Variants in DMD observed in about 807,000 individuals in gnomAD.
DMD encodes the protein mutant dystrophin.
DMD carries 63 observed loss-of-function variants against 330.1 expected under a neutral mutation model. That is an observed-to-expected ratio of 0.19 (90% confidence interval 0.16 to 0.24). DMD has a LOEUF of 0.24. DMD is among the 10% of genes least tolerant of loss of function. The pLI is 1.00. For synonymous variants in DMD, 1,223 were observed against 959.8 expected, an observed-to-expected ratio of 1.27 and a Z score of -5.07; for missense variants, 3,344 against 2,684.1, an observed-to-expected ratio of 1.25 and a Z score of -5.43.
At chrX:32,982,464 T>A (rs1312962092) in intron 2 of DMD, among the ~76,000 whole-genome samples, 4 of 112,089 alleles carry the variant, frequency 3.6e-5, no homozygotes, top group East Asian at 2.8e-4. Flanking sequence ...AACAGTTTTT[T>A]AAAAATATTC....
chrX:32,903,228 T>C (rs1433296992), intron 2 of DMD, among the ~76,000 whole-genome samples: 1 of 106,160 alleles, frequency 9.4e-6, no homozygotes, highest in Non-Finnish European at 1.9e-5. Flanking sequence ...AAAGATAATG[T>C]AACTAAGCAT....
rs1293011142 is a variant in DMD, at chrX:31,297,102, AATTG to A, written c.9224+26492_9224+26495del. On this transcript the variant is annotated intron_variant, in intron 62 of 78. Coordinates refer to ENST00000357033, the MANE Select transcript of DMD (RefSeq NM_004006.3). ...CAAATGCTAATGTCTCAGCCAGGGA[AATTG>A]ATTGACAGGAAACTGGAGAAGAGCC... Among the ~76,000 whole-genome samples, 4 of 111,418 alleles carry A rather than the reference AATTG, an allele frequency of 3.6e-5. No individual in the cohort carries two copies. In the Admixed American group the frequency reaches 3.8e-4, roughly 11 times the overall value.
chrX:33,181,698 C>A (rs899186188), intron 1 of DMD, among the ~76,000 whole-genome samples: 3 of 112,107 alleles, frequency 2.7e-5, no homozygotes, highest in African/African-American at 9.7e-5. Flanking sequence ...TGCCATATGT[C>A]ATTATTAGCT....
Position 33,037,977 on chromosome X carries a change from A to G in DMD, c.32-17777T>C, listed in dbSNP as rs767043722. ...TCTAACAAAATGGCACTATCAATATATATGTATTTAAAGACAGTCTCCCTT... is the reference window on the plus strand; with the variant it reads ...TCTAACAAAATGGCACTATCAATATGTATGTATTTAAAGACAGTCTCCCTT... On this transcript the variant is annotated intron_variant, in intron 1 of 78. Transcript: ENST00000357033. 5.3e-5 allele frequency among the ~76,000 whole-genome samples: 6 copies of G among 112,305 alleles called. No homozygotes were observed. In the East Asian group the frequency reaches 1.4e-3, roughly 26 times the overall value.
intron 62 of DMD, among the ~76,000 whole-genome samples, chrX:31,302,437 A>T (rs894114626): frequency 1.8e-5 from 2 of 111,834 alleles, no homozygotes; most frequent in Non-Finnish European, 3.8e-5. Flanking sequence ...ATTAGATTTG[A>T]TTCACTCTTA....
chrX:31,797,525 T>C lies in DMD; in HGVS notation c.7309+22450A>G, dbSNP rs1011262638. 5.4e-5 allele frequency among the ~76,000 whole-genome samples: 6 copies of C among 112,130 alleles called. No homozygotes were observed. The Admixed American group carries it at 5.7e-4, about 11-fold the overall frequency. ...TTACGTCTTAAATTAATACTCACCA[T>C]GTGATGCAATTTAAAAAACAATTAT... is the stretch of plus-strand genomic sequence containing the variant. On this transcript the variant is annotated intron_variant, in intron 50 of 78. Transcript: ENST00000357033.
At position 31,551,864 on chromosome X, in the gene DMD, T is replaced by C. The variant is rs766953412; in HGVS notation, c.8218-44411A>G. ...AAATTGTAAATGAGGAATTACAATA[T>C]ATACATTCAGAACAGAGAAGAAATT... On this transcript the variant is annotated intron_variant, in intron 55 of 78. Coordinates refer to ENST00000357033, the MANE Select transcript of DMD (RefSeq NM_004006.3). Among the ~76,000 whole-genome samples, 9 of 112,174 alleles carry C rather than the reference T, an allele frequency of 8.0e-5. No individual in the cohort carries two copies. In the Admixed American group the frequency reaches 8.5e-4, roughly 11 times the overall value.
Position 31,658,015 on chromosome X carries a change from C to T in DMD, c.8002G>A (p.Ala2668Thr). The change falls in exon 54 of 79, where the codon GCC becomes ACC. Residue 2668 changes from alanine to threonine, a missense_variant. By Grantham distance (58) the Ala-to-Thr change is moderately conservative. Coordinates refer to ENST00000357033, the MANE Select transcript of DMD (RefSeq NM_004006.3). The stretch of plus-strand genomic sequence containing the variant: ...CTTTTATGAATGCTTCTCCAAGAGG[C>T]ATTGATATTCTCTGTTATCATGTGG... ...KVHMITENINASWRSIHKRVS... is the reference protein window; with the variant it reads ...KVHMITENINTSWRSIHKRVS... The T allele has an allele frequency of 8.3e-7, 1 of 1,210,130 alleles. No homozygotes were observed. Among genetic ancestry groups the T allele is most frequent in the Non-Finnish European group, 1.1e-6 (1 of 894,052 alleles).
intron 7 of DMD, among the ~76,000 whole-genome samples, chrX:32,725,018 G>C (rs2066717950): frequency 9.0e-6 from 1 of 111,465 alleles, no homozygotes; most frequent in Non-Finnish European, 1.9e-5. Context: ...CAACACCTTA[G>C]CCACAGATAG....
intron 1 of DMD, among the ~76,000 whole-genome samples, chrX:33,316,727 A>G (rs1034356524): frequency 1.4e-4 from 16 of 111,049 alleles, no homozygotes; most frequent in Admixed American, 5.8e-4. Context: ...TACTGTAGCT[A>G]TATACTAAGG....
intron 55 of DMD, among the ~76,000 whole-genome samples, chrX:31,590,056 T>C (rs977973380): frequency 1.8e-5 from 2 of 111,453 alleles, no homozygotes; most frequent in Non-Finnish European, 3.8e-5. Context: ...TGACAGATAA[T>C]GTATATAGGT....
At chrX:32,636,946 C>A (rs1276173593) in intron 11 of DMD, among the ~76,000 whole-genome samples, 1 of 109,047 alleles carries the variant, frequency 9.2e-6, no homozygotes, top group Admixed American at 9.8e-5. Flanking sequence ...TGCAGTGAGC[C>A]GAGATAGCGC....
intron 17 of DMD, among the ~76,000 whole-genome samples, chrX:32,536,542 C>G (rs2048002473): frequency 8.9e-6 from 1 of 112,102 alleles, no homozygotes; most frequent in Non-Finnish European, 1.9e-5. Flanking sequence ...AGACAGTGAA[C>G]TGTTTGCTAT....
intron 1 of DMD, among the ~76,000 whole-genome samples, chrX:33,207,884 C>T (rs1336403741): frequency 9.0e-6 from 1 of 111,198 alleles, no homozygotes; most frequent in Non-Finnish European, 1.9e-5. Flanking sequence ...TTAATAAAAA[C>T]GTTTATTTCC....
At chrX:31,568,166 C>A (rs1259100254) in intron 55 of DMD, among the ~76,000 whole-genome samples, 2 of 111,027 alleles carry the variant, frequency 1.8e-5, no homozygotes, top group Non-Finnish European at 3.8e-5. Context: ...TCTAAATTTG[C>A]TGAAGTTGCT....
chrX:32,125,635 G>A (rs2096658261), intron 44 of DMD, among the ~76,000 whole-genome samples: 1 of 112,025 alleles, frequency 8.9e-6, no homozygotes, highest in African/African-American at 3.2e-5. Flanking sequence ...AGATTACCTA[G>A]GGACAGAAGA....
chrX:32,335,362 G>A (rs2097700379), intron 41 of DMD, among the ~76,000 whole-genome samples: 1 of 104,623 alleles, frequency 9.6e-6, no homozygotes, highest in Admixed American at 1.1e-4. Context: ...CAGCAAGCCT[G>A]GCTAATTTTA....
At chrX:33,226,661 T>C (rs754999324) in intron 1 of DMD, among the ~76,000 whole-genome samples, 3 of 111,554 alleles carry the variant, frequency 2.7e-5, no homozygotes, top group Admixed American at 9.5e-5. Flanking sequence ...TCTGTGCTGA[T>C]GTCAATATCT....
intron 43 of DMD, among the ~76,000 whole-genome samples, chrX:32,264,730 A>G (rs1370123824): frequency 1.8e-5 from 2 of 112,013 alleles, no homozygotes; most frequent in Non-Finnish European, 3.8e-5. Flanking sequence ...GCTACGCTTT[A>G]GCAAAGAGAC....
Sources: gnomAD v4.1 joint callset for allele counts (sites outside exome capture counted in the v4.1 genomes callset) on GRCh38, gnomAD v4.1.1 for gene constraint, MANE v1.5 for transcripts, NCBI Gene and HGNC (gene_info 2026-07-23, HGNC 2026-07-21) for gene names.